Variants in DIAPH3 observed in about 807,000 individuals in gnomAD.
DIAPH3 encodes the protein protein diaphanous homolog 3.
A neutral mutation model predicts 144.3 loss-of-function variants in DIAPH3; 117 were observed. That is an observed-to-expected ratio of 0.81 (90% CI 0.70 to 0.95). The LOEUF is 0.95. DIAPH3 is among the 40% of genes least tolerant of loss of function. The pLI is 0.00. For synonymous variants in DIAPH3, 519 were observed against 488.9 expected, an observed-to-expected ratio of 1.06 and a Z score of -0.81; for missense variants, 1,421 against 1,412.7, an observed-to-expected ratio of 1.01 and a Z score of -0.09.
intron 3 of DIAPH3, among the ~76,000 whole-genome samples, chr13:60,107,256 T>C (rs1420416327): frequency 3.3e-5 from 5 of 151,346 alleles, no homozygotes; most frequent in Non-Finnish European, 7.4e-5. Flanking sequence ...TGTATTCTTA[T>C]ACAGACAGAA....
chr13:59,742,559 A>G lies in DIAPH3; in HGVS notation c.3319+31630T>C, dbSNP rs889169013. Among the ~76,000 whole-genome samples, 38 of 105,696 alleles carry G rather than the reference A, an allele frequency of 3.6e-4. 2 individuals carry two copies. In the South Asian group the frequency reaches 9.3e-3, roughly 26 times the overall value. 69.3% of individuals were successfully genotyped at this position (105,696 alleles called of 152,430 possible). On this transcript the variant is annotated intron_variant, in intron 27 of 27. Coordinates refer to ENST00000400324, the MANE Select transcript of DIAPH3 (RefSeq NM_001042517.2). ...TTCTGATGTAAGCATGGATGCTGCTAAAAGAAGAAAAGAAAAGAAAGAAAA... is the reference window on the plus strand; with the variant it reads ...TTCTGATGTAAGCATGGATGCTGCTGAAAGAAGAAAAGAAAAGAAAGAAAA...
chr13:60,029,037 G>A (rs2054591650), intron 5 of DIAPH3, among the ~76,000 whole-genome samples: 1 of 144,506 alleles, frequency 6.9e-6, no homozygotes, highest in Non-Finnish European at 1.5e-5. Context: ...CCAGTCTGGT[G>A]ACAGAGCAAG....
chr13:59,772,798 G>C (rs2038192460), intron 27 of DIAPH3, among the ~76,000 whole-genome samples: 3 of 151,766 alleles, frequency 2.0e-5, no homozygotes, highest in African/African-American at 2.4e-5. Context: ...CTTAAAGTGG[G>C]GGCTGAGTTC....
chr13:59,918,772 T>C (rs1313913163), intron 18 of DIAPH3, among the ~76,000 whole-genome samples: 1 of 151,970 alleles, frequency 6.6e-6, no homozygotes, highest in African/African-American at 2.4e-5. Flanking sequence ...TTCTTCAACA[T>C]GCAGACAGCA....
intron 15 of DIAPH3, among the ~76,000 whole-genome samples, chr13:59,972,562 T>C (rs1301543173): frequency 6.6e-6 from 1 of 152,132 alleles, no homozygotes; most frequent in East Asian, 1.9e-4. Flanking sequence ...AACAGTGTTA[T>C]AAAAGAAGTT....
intron 12 of DIAPH3, among the ~76,000 whole-genome samples, chr13:59,990,809 C>A (rs749262854): frequency 6.6e-6 from 1 of 151,924 alleles, no homozygotes; most frequent in Non-Finnish European, 1.5e-5. Context: ...ATGTTTAGTG[C>A]CCTTCATGTA....
At position 59,970,060 on chromosome 13, in the gene DIAPH3, T is replaced by G; in HGVS notation, c.1960-2A>C. ...TTCAGTCATTTCATGAGGTCTGATC[T>G]ACAATCAGAGAGAAGACTGATTCAT... On this transcript the variant is annotated splice_acceptor_variant, in intron 16 of 27. Coordinates refer to ENST00000400324, the MANE Select transcript of DIAPH3 (RefSeq NM_001042517.2). LOFTEE classifies it high-confidence loss of function. 6.5e-7 allele frequency: 1 copy of G among 1,542,552 alleles called. No homozygotes were observed. The highest frequency in any genetic ancestry group is 8.9e-7 in the Non-Finnish European group (1 of 1,121,076).
intron 18 of DIAPH3, among the ~76,000 whole-genome samples, chr13:59,918,942 T>TAAAAAAAAAAAAAAAAAAA (rs2047375396): frequency 3.7e-5 from 1 of 26,886 alleles, no homozygotes. Flanking sequence ...TTCAAGAAAA[T>TAAAAAAAAAAAAAAAAAAA]ACAAAAAAAA....
In DIAPH3 at chr13:59,799,079, G is replaced by A. The variant is rs551530785; in HGVS notation, c.3163+11709C>T. Among the ~76,000 whole-genome samples, 21 of 152,104 alleles carry A rather than the reference G, an allele frequency of 1.4e-4. No homozygotes were observed. The South Asian group carries it at 3.9e-3, about 29-fold the overall frequency. Reference sequence around the variant, plus strand: ...GAGTGCAAGAGAAGAATGTTTCCAAGAATCATTAACATAAGGAAGCCAAGG... The same window carrying A: ...GAGTGCAAGAGAAGAATGTTTCCAAAAATCATTAACATAAGGAAGCCAAGG... On this transcript the variant is annotated intron_variant, in intron 25 of 27. Coordinates refer to ENST00000400324, the MANE Select transcript of DIAPH3 (RefSeq NM_001042517.2).
intron 24 of DIAPH3, among the ~76,000 whole-genome samples, chr13:59,814,000 T>G (rs1326545667): frequency 2.0e-5 from 3 of 152,016 alleles, no homozygotes; most frequent in African/African-American, 7.2e-5. Context: ...AGAAGATAGG[T>G]TGTGATAGAG....
intron 27 of DIAPH3, among the ~76,000 whole-genome samples, chr13:59,765,547 T>C (rs2037825850): frequency 6.6e-6 from 1 of 152,154 alleles, no homozygotes; most frequent in African/African-American, 2.4e-5. Flanking sequence ...AAGTAAAGAA[T>C]TTAAACCAGA....
chr13:60,127,888 A>T lies in DIAPH3; in HGVS notation c.213+5069T>A, dbSNP rs9317100. ...TATAATGCACGTAAATTATATTGTA[A>T]GTAAATCATACCTCAACTTTTTTTT... is the stretch of plus-strand genomic sequence containing the variant. On this transcript the variant is annotated intron_variant, in intron 2 of 27. Transcript: ENST00000400324. Among the ~76,000 whole-genome samples, 3 of 151,990 alleles carry T rather than the reference A, an allele frequency of 2.0e-5. No individual in the cohort carries two copies. In the East Asian group the frequency reaches 5.8e-4, roughly 29 times the overall value.
chr13:60,133,965 T>C (rs2059204704), intron 1 of DIAPH3, among the ~76,000 whole-genome samples: 1 of 152,222 alleles, frequency 6.6e-6, no homozygotes, highest in South Asian at 2.1e-4. Flanking sequence ...ATTTACTTAA[T>C]AGAATGAAAT....
intron 22 of DIAPH3, among the ~76,000 whole-genome samples, chr13:59,858,846 A>C (rs1417141492): frequency 1.3e-5 from 2 of 152,194 alleles, no homozygotes; most frequent in African/African-American, 4.8e-5. Context: ...CTTAGAAAAG[A>C]AGCAGTCCTA....
chr13:59,987,050 C>T (rs998538769), intron 12 of DIAPH3, among the ~76,000 whole-genome samples: 15 of 152,072 alleles, frequency 9.9e-5, no homozygotes, highest in East Asian at 1.9e-4. Flanking sequence ...GCATTATTCA[C>T]GATAGCAAAG....
intron 27 of DIAPH3, among the ~76,000 whole-genome samples, chr13:59,669,854 G>A (rs2032253198): frequency 6.6e-6 from 1 of 151,950 alleles, no homozygotes; most frequent in Non-Finnish European, 1.5e-5. Context: ...TTTTTCTCTT[G>A]AACCCACTCC....
intron 8 of DIAPH3, 122 bp downstream of exon 8, chr13:60,010,411 A>C: frequency 9.2e-7 from 1 of 1,083,870 alleles, no homozygotes; most frequent in Non-Finnish European, 1.3e-6. Context: ...AGCTGCTTAA[A>C]TATACCTCAA....
intron 27 of DIAPH3, among the ~76,000 whole-genome samples, chr13:59,695,022 A>G (rs551424994): frequency 6.6e-6 from 1 of 152,342 alleles, no homozygotes; most frequent in African/African-American, 2.4e-5. Context: ...AAGCATCATA[A>G]AGTGCTACAG....
chr13:60,094,653 T>G (rs1244918182), intron 3 of DIAPH3, among the ~76,000 whole-genome samples: 1 of 152,192 alleles, frequency 6.6e-6, no homozygotes, highest in Admixed American at 6.5e-5. Context: ...ATTCAGGACT[T>G]TGGATCACCT....
Sources: gnomAD v4.1 joint callset for allele counts (sites outside exome capture counted in the v4.1 genomes callset) on GRCh38, gnomAD v4.1.1 for gene constraint, MANE v1.5 for transcripts, NCBI Gene and HGNC (gene_info 2026-07-23, HGNC 2026-07-21) for gene names.